The following COL5A2 variants were observed in gnomAD, a reference collection of about 807,000 sequenced individuals.
COL5A2 encodes collagen type V alpha 2 chain.
In COL5A2, 23 loss-of-function variants were observed where a neutral mutation model predicts 208.2. The observed-to-expected ratio is 0.11, with a 90% CI of 0.08 to 0.16. The LOEUF (loss-of-function observed/expected upper bound fraction) is 0.16, where lower values mean the gene tolerates loss of function less well. Ranked by LOEUF, COL5A2 falls within the 10% of genes least tolerant of loss-of-function variation. The probability of loss-of-function intolerance (pLI) is 1.00; values close to 1 mark genes in which losing one functional copy is unlikely to be tolerated. For synonymous variants in COL5A2, 625 were observed against 628.5 expected (o/e 0.99, Z 0.08); for missense variants, 1,590 against 1,956.4 (o/e 0.81, Z 3.53).
intron 1 of COL5A2, among the ~76,000 whole-genome samples, chr2:189,114,082 G>A (rs1687338910): frequency 6.6e-6 from 1 of 152,110 alleles, no homozygotes; most frequent in Admixed American, 6.6e-5. Flanking sequence ...GAGTCATCAT[G>A]GCTTCCCTTC....
At chr2:189,223,868 C>T (rs946601072) in intron 1 of COL5A2, among the ~76,000 whole-genome samples, 5 of 152,106 alleles carry the variant, frequency 3.3e-5, no homozygotes, top group African/African-American at 1.2e-4. Context: ...TGTGCCCTAG[C>T]TATAAGGGTC....
chr2:189,332,492 C>T, the COL5A2 span, among the ~76,000 whole-genome samples: 2 of 152,152 alleles, frequency 1.3e-5, no homozygotes, highest in African/African-American at 2.4e-5. Flanking sequence ...GTGGGAGGGA[C>T]CTGGTGGGAG....
intron 1 of COL5A2, among the ~76,000 whole-genome samples, chr2:189,216,312 C>G (rs1689277846): frequency 6.6e-6 from 1 of 152,026 alleles, no homozygotes; most frequent in African/African-American, 2.4e-5. Flanking sequence ...CCCACTTTAG[C>G]CTGGGAATTC....
chr2:189,085,120 T>A, intron 11 of COL5A2, 40 bp downstream of exon 11: 1 of 1,559,944 alleles, frequency 6.4e-7, no homozygotes, highest in Non-Finnish European at 8.8e-7. Context: ...CCCCTTCGCC[T>A]CTTCAAAACC....
the COL5A2 span, among the ~76,000 whole-genome samples, chr2:189,315,651 G>C: frequency 6.6e-6 from 1 of 152,164 alleles, no homozygotes; most frequent in African/African-American, 2.4e-5. Flanking sequence ...ATCCCTGTTT[G>C]CAGATGACAT....
At chr2:189,297,699 T>C in the COL5A2 span, among the ~76,000 whole-genome samples, 4 of 152,114 alleles carry the variant, frequency 2.6e-5, no homozygotes, top group Admixed American at 1.3e-4. Context: ...ACTAAATACC[T>C]ACAGTCTTGA....
intron 1 of COL5A2, among the ~76,000 whole-genome samples, chr2:189,205,041 A>C (rs562818042): frequency 6.6e-6 from 1 of 152,280 alleles, no homozygotes; most frequent in Admixed American, 6.5e-5. Flanking sequence ...CAACAGTGAC[A>C]CTTGATCTCT....
chr2:189,058,512 G>A lies in COL5A2; in HGVS notation c.2146C>T (p.Pro716Ser), dbSNP rs1305254226. ...ATCCCAGGTTCTCCTCTTTCCCCAG[G>A]ATTTCCTCGTTCTCCCTAGCACAAA... The part of the protein sequence containing the change: ...PLGPRGERGN[P>S]GERGEPGITG... Residue 716 changes from proline to serine, a missense_variant, in exon 33 of 54, where the codon CCT becomes TCT. Physicochemically the swap from Pro to Ser is moderately conservative, Grantham distance 74. Transcript: ENST00000374866. 6.2e-7 allele frequency: 1 copy of A among 1,613,762 alleles called. No homozygotes were observed. Among genetic ancestry groups the A allele is most frequent in the South Asian group, 1.1e-5 (1 of 91,066 alleles).
At chr2:189,136,332 T>C (rs1313211877) in intron 1 of COL5A2, among the ~76,000 whole-genome samples, 1 of 151,196 alleles carries the variant, frequency 6.6e-6, no homozygotes, top group African/African-American at 2.4e-5. Context: ...AATTTACATG[T>C]ATATAAATAC....
Position 189,052,908 on chromosome 2 carries a change from T to G in COL5A2, c.2661+3A>C. On this transcript the variant is annotated splice_donor_region_variant and intron_variant, in intron 39 of 53. Coordinates refer to ENST00000374866, the MANE Select transcript of COL5A2 (RefSeq NM_000393.5). ...AAGTTATGCCTTTTTCTTGTTAACT[T>G]ACATGAGGGCCAGGGGATCCTGCTA... is the stretch of plus-strand genomic sequence containing the variant. 1 of 1,613,898 alleles carries G rather than the reference T, an allele frequency of 6.2e-7. No individual in the cohort carries two copies. The highest frequency in any genetic ancestry group is 8.5e-7 in the Non-Finnish European group (1 of 1,179,836).
chr2:189,197,400 T>C (rs938296368), intron 1 of COL5A2, among the ~76,000 whole-genome samples: 1 of 152,094 alleles, frequency 6.6e-6, no homozygotes, highest in Admixed American at 6.6e-5. Flanking sequence ...CATATACTTA[T>C]GTAACAAACC....
At chr2:189,098,818 C>A in intron 4 of COL5A2, 59 bp from the exon 5 acceptor site, 1 of 1,222,574 alleles carries the variant, frequency 8.2e-7, no homozygotes, top group South Asian at 1.2e-5. Context: ...TCAGAGAGGT[C>A]AATAGTAACA....
the COL5A2 span, among the ~76,000 whole-genome samples, chr2:189,264,570 C>A: frequency 6.6e-6 from 1 of 151,982 alleles, no homozygotes; most frequent in Non-Finnish European, 1.5e-5. Context: ...GAGACAGTTA[C>A]AGTAAATCAG....
At chr2:189,400,701 C>T in the COL5A2 span, among the ~76,000 whole-genome samples, 1 of 152,038 alleles carries the variant, frequency 6.6e-6, no homozygotes, top group Non-Finnish European at 1.5e-5. Context: ...TAGACATGAC[C>T]GATATGATAC....
At chr2:189,109,251 T>C (rs1438132299) in intron 2 of COL5A2, among the ~76,000 whole-genome samples, 1 of 152,108 alleles carries the variant, frequency 6.6e-6, no homozygotes, top group African/African-American at 2.4e-5. Flanking sequence ...GTTTTGATGA[T>C]TGTATTTGCT....
the COL5A2 span, among the ~76,000 whole-genome samples, chr2:189,256,684 C>T: frequency 6.6e-6 from 1 of 152,208 alleles, no homozygotes; most frequent in Non-Finnish European, 1.5e-5. Flanking sequence ...TAGAGTCTCG[C>T]TCTGTTGCCC....
At chr2:189,061,417 T>C in intron 30 of COL5A2, 145 bp downstream of exon 30, 1 of 652,310 alleles carries the variant, frequency 1.5e-6, no homozygotes, top group South Asian at 1.9e-5. Context: ...TTCGATTTTA[T>C]CCAAATGTCT....
chr2:189,368,973 C>T, the COL5A2 span, among the ~76,000 whole-genome samples: 7 of 152,168 alleles, frequency 4.6e-5, no homozygotes, highest in African/African-American at 1.7e-4. Flanking sequence ...CTATCTACTA[C>T]AATACAGTAA....
intron 1 of COL5A2, among the ~76,000 whole-genome samples, chr2:189,126,300 A>G (rs926496957): frequency 2.0e-5 from 3 of 152,084 alleles, no homozygotes; most frequent in African/African-American, 7.2e-5. Context: ...TATTTTGTGT[A>G]ATGAGAAGAG....
Sources: allele counts gnomAD v4.1 joint callset (sites outside exome capture counted in the v4.1 genomes callset), GRCh38; gene constraint gnomAD v4.1.1; transcripts MANE v1.5; gene names NCBI Gene and HGNC (gene_info 2026-07-23, HGNC 2026-07-21).